ASIC2: variants seen among roughly 807,000 people sequenced by gnomAD.
ASIC2 encodes acid-sensing ion channel 2.
Under a neutral mutation model 57.3 loss-of-function variants are expected in ASIC2, and 25 were observed. The observed-to-expected ratio is 0.44, with a 90% confidence interval of 0.32 to 0.61. The LOEUF is 0.61. Ranked by LOEUF, ASIC2 falls within the 20% of genes least tolerant of loss-of-function variation. The pLI, the probability that ASIC2 is intolerant of heterozygous loss-of-function variation, is 0.06. For missense variants in ASIC2, 641 were observed against 738.1 expected, an observed-to-expected ratio of 0.87 and a Z score of 1.52; for synonymous variants, 319 against 307.5, an observed-to-expected ratio of 1.04 and a Z score of -0.39.
In ASIC2 at chr17:33,111,929, A is replaced by T. The variant is rs200088098; in HGVS notation, c.847T>A (p.Trp283Arg). ...DIQQDEYLPIWGETEETTFEA... is the reference protein window; with the variant it reads ...DIQQDEYLPIRGETEETTFEA... ...GTGCCCAGCTCACCTGTCTCTCCCC[A>T]GATGGGCAGGTACTCATCCTGCTGA... The change falls in exon 2 of 10, where the codon TGG (tryptophan) becomes AGG (arginine). Residue 283 changes from tryptophan to arginine, a missense_variant. Physicochemically the swap from Trp to Arg is moderately radical, Grantham distance 101. Around this residue, in one of 3 missense-constraint regions of ASIC2, gnomAD observed 382 missense variants for 398.0 expected, o/e 0.96. Transcript: ENST00000225823. 4.3e-6 allele frequency: 7 copies of T among 1,612,572 alleles called. No individual in the cohort carries two copies. Among genetic ancestry groups the T allele is most frequent in the Non-Finnish European group, 5.9e-6 (7 of 1,179,282 alleles).
intron 1 of ASIC2, among the ~76,000 whole-genome samples, chr17:33,371,760 G>T (rs6505337): frequency 0.35 from 53,543 of 151,916 alleles, 10,186 homozygotes; most frequent in Non-Finnish European, 0.42. Context: ...AGCAGTGTGT[G>T]CTTCCTCTTT....
intron 1 of ASIC2, among the ~76,000 whole-genome samples, chr17:33,799,443 T>TTTCTTTCTTCCTTCC (rs1912052748): frequency 6.4e-5 from 5 of 78,530 alleles, no homozygotes; most frequent in African/African-American, 2.7e-4. Flanking sequence ...TCTTTCTTTC[T>TTTCTTTCTTCCTTCC]TTCTTTCTTT....
At chr17:33,599,545 C>G (rs915259622) in intron 1 of ASIC2, among the ~76,000 whole-genome samples, 3 of 152,218 alleles carry the variant, frequency 2.0e-5, no homozygotes, top group Admixed American at 6.5e-5. Context: ...TAGATGACAG[C>G]TGGCAGATGT....
At position 33,613,181 on chromosome 17, in the gene ASIC2, C is replaced by T. The variant is rs566735960; in HGVS notation, c.556-501114G>A. ...ACAAAAAACATGGACTACGATTTCCCGGATAACCCCTGCTTTCATTTAAAA... is the reference window on the plus strand; with the variant it reads ...ACAAAAAACATGGACTACGATTTCCTGGATAACCCCTGCTTTCATTTAAAA... On this transcript the variant is annotated intron_variant, in intron 1 of 9. Transcript: ENST00000359872. Among the ~76,000 whole-genome samples the T allele has an allele frequency of 3.1e-3, 478 of 152,158 alleles. 1 individual carries two copies. Among genetic ancestry groups the T allele is most frequent in the Non-Finnish European group, 5.1e-3 (349 of 67,992 alleles).
intron 1 of ASIC2, among the ~76,000 whole-genome samples, chr17:33,386,890 G>A (rs1323666763): frequency 6.6e-6 from 1 of 152,124 alleles, no homozygotes; most frequent in Non-Finnish European, 1.5e-5. Context: ...GAAGACCTCT[G>A]AGTGGCTCGT....
At chr17:33,666,149 A>G (rs890962815) in intron 1 of ASIC2, among the ~76,000 whole-genome samples, 2 of 152,128 alleles carry the variant, frequency 1.3e-5, no homozygotes, top group Admixed American at 6.5e-5. Flanking sequence ...TGGTTTGATT[A>G]TAAGCTCCTG....
chr17:33,854,314 T>C (rs546171465), intron 1 of ASIC2, among the ~76,000 whole-genome samples: 2 of 152,314 alleles, frequency 1.3e-5, no homozygotes, highest in African/African-American at 2.4e-5. Flanking sequence ...GCATGGGTAT[T>C]GGTCATGTGT....
chr17:33,242,127 G>A (rs978898861), intron 1 of ASIC2, among the ~76,000 whole-genome samples: 1 of 152,024 alleles, frequency 6.6e-6, no homozygotes, highest in African/African-American at 2.4e-5. Context: ...GACCATCCTG[G>A]CTAACACGGT....
At chr17:33,475,814 T>C (rs138448033) in intron 1 of ASIC2, among the ~76,000 whole-genome samples, 92 of 152,252 alleles carry the variant, frequency 6.0e-4, no homozygotes, top group African/African-American at 2.0e-3. Flanking sequence ...CCCATCCCCA[T>C]CCCCTGGAGG....
At chr17:33,918,704 T>C (rs151096926) in intron 1 of ASIC2, among the ~76,000 whole-genome samples, 143 of 152,326 alleles carry the variant, frequency 9.4e-4, no homozygotes, top group African/African-American at 3.1e-3. Flanking sequence ...TCACTGATCA[T>C]GGAAGCTGTT....
At chr17:33,434,787 C>A (rs557258147) in intron 1 of ASIC2, among the ~76,000 whole-genome samples, 1 of 152,238 alleles carries the variant, frequency 6.6e-6, no homozygotes, top group Non-Finnish European at 1.5e-5. Context: ...AAACTAAGAC[C>A]AAATGAAGGT....
At chr17:33,902,947 T>C (rs1302184708) in intron 1 of ASIC2, among the ~76,000 whole-genome samples, 1 of 152,216 alleles carries the variant, frequency 6.6e-6, no homozygotes, top group Non-Finnish European at 1.5e-5. Flanking sequence ...TGTTTGTCCC[T>C]GCTTGCATTC....
At chr17:33,698,622 A>C (rs963742988) in intron 1 of ASIC2, among the ~76,000 whole-genome samples, 2 of 152,148 alleles carry the variant, frequency 1.3e-5, no homozygotes, top group African/African-American at 2.4e-5. Context: ...CTGGTAACTA[A>C]ATTGGGGTGA....
At chr17:34,014,888 C>T (rs1025392245) in intron 1 of ASIC2, among the ~76,000 whole-genome samples, 4 of 113,528 alleles carry the variant, frequency 3.5e-5, no homozygotes, top group Non-Finnish European at 6.9e-5. Context: ...GAAATAATAT[C>T]GCTGCATTTT....
At chr17:33,725,725 C>G (rs541673310) in intron 1 of ASIC2, among the ~76,000 whole-genome samples, 2 of 144,300 alleles carry the variant, frequency 1.4e-5, no homozygotes, top group Admixed American at 1.4e-4. Context: ...TAAGAAACCC[C>G]CCCCCCCTTT....
chr17:33,171,884 T>C (rs1207852582), intron 1 of ASIC2, among the ~76,000 whole-genome samples: 2 of 152,214 alleles, frequency 1.3e-5, no homozygotes, highest in African/African-American at 2.4e-5. Flanking sequence ...TCCGTCTGCC[T>C]GGAAAGCCCT....
intron 1 of ASIC2, among the ~76,000 whole-genome samples, chr17:33,804,787 G>T (rs1192684505): frequency 6.6e-6 from 1 of 152,008 alleles, no homozygotes; most frequent in Non-Finnish European, 1.5e-5. Context: ...CTGTTTTTAG[G>T]TGTATATTAA....
At chr17:33,811,100 T>C (rs1912407368) in intron 1 of ASIC2, among the ~76,000 whole-genome samples, 1 of 152,146 alleles carries the variant, frequency 6.6e-6, no homozygotes, top group South Asian at 2.1e-4. Context: ...TCAGGCTGAA[T>C]CACAAGGTTC....
intron 1 of ASIC2, among the ~76,000 whole-genome samples, chr17:33,493,140 G>A (rs1272563453): frequency 6.6e-6 from 1 of 152,108 alleles, no homozygotes; most frequent in African/African-American, 2.4e-5. Flanking sequence ...TGTGGTCACT[G>A]GGCCCAGCAA....
Sources: allele counts gnomAD v4.1 joint callset (sites outside exome capture counted in the v4.1 genomes callset), GRCh38; gene constraint gnomAD v4.1.1; regional missense constraint gnomAD v4.1.1; transcripts MANE v1.5; gene names NCBI Gene and HGNC (gene_info 2026-07-23, HGNC 2026-07-21).